CADPS: variants seen among roughly 807,000 people sequenced by gnomAD.
CADPS encodes the protein calcium-dependent secretion activator 1.
Under a neutral mutation model 167.3 loss-of-function variants are expected in CADPS, and 57 were observed. The ratio of observed to expected loss-of-function variants is 0.34; its 90% CI spans 0.28 to 0.42. The LOEUF is 0.42. Ranked by LOEUF, CADPS falls within the 20% of genes least tolerant of loss-of-function variation. CADPS has a pLI of 1.00. For missense variants in CADPS, 1,414 were observed against 1,738.1 expected (o/e 0.81, Z 3.32); for synonymous variants, 676 against 635.3 (o/e 1.06, Z -0.96).
intron 26 of CADPS, among the ~76,000 whole-genome samples, chr3:62,459,970 T>C (rs2059136125): frequency 6.6e-6 from 1 of 152,138 alleles, no homozygotes; most frequent in African/African-American, 2.4e-5. Flanking sequence ...GAAAAATAGA[T>C]GACTCTTTCC....
chr3:62,786,359 G>C (rs1221069057), intron 1 of CADPS, among the ~76,000 whole-genome samples: 1 of 152,078 alleles, frequency 6.6e-6, no homozygotes, highest in Non-Finnish European at 1.5e-5. Flanking sequence ...CCATATATTT[G>C]ACATGCTTAT....
chr3:62,670,763 C>T (rs2075366887), intron 3 of CADPS, among the ~76,000 whole-genome samples: 1 of 152,138 alleles, frequency 6.6e-6, no homozygotes, highest in Non-Finnish European at 1.5e-5. Context: ...ATCTTCCCCG[C>T]AGTCCTGAAA....
intron 8 of CADPS, among the ~76,000 whole-genome samples, chr3:62,577,311 A>G (rs1370622833): frequency 6.6e-6 from 1 of 152,190 alleles, no homozygotes; most frequent in Non-Finnish European, 1.5e-5. Flanking sequence ...ATTTTCAAGT[A>G]TACAATGTAT....
chr3:62,427,428 A>G (rs2052978952), intron 28 of CADPS, among the ~76,000 whole-genome samples: 1 of 152,186 alleles, frequency 6.6e-6, no homozygotes, highest in Non-Finnish European at 1.5e-5. Flanking sequence ...GATTTGTGTC[A>G]GTGGAAGTAT....
chr3:62,870,878 G>C (rs1281848885), intron 1 of CADPS, among the ~76,000 whole-genome samples: 1 of 152,116 alleles, frequency 6.6e-6, no homozygotes, highest in African/African-American at 2.4e-5. Flanking sequence ...ATATGGTATA[G>C]CTTTGCCATG....
intron 6 of CADPS, among the ~76,000 whole-genome samples, chr3:62,641,201 G>C (rs2067345324): frequency 6.6e-6 from 1 of 152,254 alleles, no homozygotes; most frequent in East Asian, 1.9e-4. Context: ...ATCTAAACAA[G>C]GCTATGAAAT....
intron 1 of CADPS, among the ~76,000 whole-genome samples, chr3:62,821,695 T>C (rs1223763153): frequency 6.6e-6 from 1 of 152,162 alleles, no homozygotes; most frequent in East Asian, 1.9e-4. Flanking sequence ...CTTGATTAAC[T>C]CTACAAAGAC....
chr3:62,831,379 T>C (rs984070651), intron 1 of CADPS, among the ~76,000 whole-genome samples: 3 of 152,180 alleles, frequency 2.0e-5, no homozygotes, highest in African/African-American at 4.8e-5. Context: ...ACCGTGCTTT[T>C]ATCCCCTGCA....
At chr3:62,518,000 A>G in intron 14 of CADPS, 149 bp downstream of exon 14, 1 of 653,270 alleles carries the variant, frequency 1.5e-6, no homozygotes, top group East Asian at 2.7e-5. Flanking sequence ...TTGCGGAACC[A>G]TATCTGATTG....
intron 1 of CADPS, among the ~76,000 whole-genome samples, chr3:62,791,454 T>C (rs2092937875): frequency 6.6e-6 from 1 of 152,214 alleles, no homozygotes; most frequent in Admixed American, 6.5e-5. Flanking sequence ...TTACTAGAAA[T>C]GCAGAATTGT....
chr3:62,400,589 C>CTTTTTTTTTTTT (rs1165722852), intron 29 of CADPS, among the ~76,000 whole-genome samples: 1 of 73,624 alleles, frequency 1.4e-5, no homozygotes, highest in African/African-American at 4.7e-5. Context: ...ATCATTCTTT[C>CTTTTTTTTTTTT]TTTTTTTTTT....
intron 3 of CADPS, among the ~76,000 whole-genome samples, chr3:62,746,072 T>G (rs1358559914): frequency 6.6e-6 from 1 of 152,194 alleles, no homozygotes. Context: ...AAATGATACC[T>G]GAAGGAGCCA....
intron 3 of CADPS, among the ~76,000 whole-genome samples, chr3:62,740,326 C>A (rs576119899): frequency 6.6e-6 from 1 of 152,194 alleles, no homozygotes; most frequent in Non-Finnish European, 1.5e-5. Context: ...AGTCTGCTGA[C>A]GGCCCACTCA....
rs536516540 is a variant in CADPS, at chr3:62,490,650, A to G, written c.3026+689T>C. Among the ~76,000 whole-genome samples, 16 of 152,332 alleles carry G rather than the reference A, an allele frequency of 1.1e-4. No individual in the cohort carries two copies. In the South Asian group the frequency reaches 3.3e-3, roughly 32 times the overall value. ...AAAAAAGCACACGGTTGTCAAATAC[A>G]TTTAGGAAAATCCGGGTTAAACAGA... On this transcript the variant is annotated intron_variant, in intron 21 of 29. Transcript: ENST00000383710.
At chr3:62,580,329 C>T (rs954212664) in intron 8 of CADPS, among the ~76,000 whole-genome samples, 50 of 152,082 alleles carry the variant, frequency 3.3e-4, no homozygotes, top group South Asian at 8.3e-4. Flanking sequence ...AGTAAACTAT[C>T]GCAAGGACAA....
chr3:62,413,101 C>A (rs13066791), intron 28 of CADPS, among the ~76,000 whole-genome samples: 30,057 of 152,066 alleles, frequency 0.2, 3,509 homozygotes, highest in Non-Finnish European at 0.26. Context: ...AGCCAAAGTT[C>A]AACTCATTGA....
At chr3:62,645,113 A>G (rs1044207364) in intron 6 of CADPS, among the ~76,000 whole-genome samples, 1 of 152,164 alleles carries the variant, frequency 6.6e-6, no homozygotes, top group Non-Finnish European at 1.5e-5. Flanking sequence ...AAACCCAAAT[A>G]TCATATGTTC....
At chr3:62,555,165 G>A (rs1252419918) in intron 10 of CADPS, among the ~76,000 whole-genome samples, 4 of 152,174 alleles carry the variant, frequency 2.6e-5, no homozygotes, top group Admixed American at 2.6e-4. Context: ...CTTAGCACAT[G>A]GAAAGATAGA....
At chr3:62,808,814 C>T (rs541933273) in intron 1 of CADPS, among the ~76,000 whole-genome samples, 4 of 152,246 alleles carry the variant, frequency 2.6e-5, no homozygotes, top group African/African-American at 9.6e-5. Flanking sequence ...AGATCCAATG[C>T]TTAACGGATG....
Sources: gnomAD v4.1 joint callset for allele counts (sites outside exome capture counted in the v4.1 genomes callset) on GRCh38, gnomAD v4.1.1 for gene constraint, MANE v1.5 for transcripts, NCBI Gene and HGNC (gene_info 2026-07-23, HGNC 2026-07-21) for gene names.